Variants in DAB2IP observed in about 807,000 individuals in gnomAD.
DAB2IP encodes the protein disabled homolog 2-interacting protein.
Under a neutral mutation model 107.2 loss-of-function variants are expected in DAB2IP, and 28 were observed. The ratio of observed to expected loss-of-function variants is 0.26; its 90% CI spans 0.19 to 0.36. DAB2IP has a LOEUF of 0.36. Among genes scored for constraint, DAB2IP ranks in the 10% least tolerant of loss-of-function variants. DAB2IP has a pLI of 1.00. For synonymous variants in DAB2IP, 755 were observed against 706.4 expected (o/e 1.07, Z -1.09); for missense variants, 1,400 against 1,644.7 (o/e 0.85, Z 2.57).
chr9:121,584,979 A>G (rs920619045), intron 1 of DAB2IP, among the ~76,000 whole-genome samples: 1 of 152,148 alleles, frequency 6.6e-6, no homozygotes, highest in Admixed American at 6.6e-5. Context: ...ATCCTAGCCA[A>G]CTACAGCCTT....
At chr9:121,585,058 C>T (rs2118914369) in intron 1 of DAB2IP, among the ~76,000 whole-genome samples, 1 of 152,292 alleles carries the variant, frequency 6.6e-6, no homozygotes, top group East Asian at 1.9e-4. Flanking sequence ...GCGCGTGCCA[C>T]TGTGCCCAGC....
intron 3 of DAB2IP, chr9:121,743,039 G>A (rs1832461441): frequency 4.1e-6 from 4 of 964,000 alleles, no homozygotes; most frequent in African/African-American, 3.5e-5. Flanking sequence ...CTCGTGGAGG[G>A]AGCAGGTGGG....
chr9:121,773,913 CAGTGT>C, intron 12 of DAB2IP, among the ~76,000 whole-genome samples: 1 of 152,226 alleles, frequency 6.6e-6, no homozygotes, highest in Non-Finnish European at 1.5e-5. Context: ...AGGCTGCAGG[CAGTGT>C]CTGGAGTGGA....
intron 1 of DAB2IP, among the ~76,000 whole-genome samples, chr9:121,578,054 T>TG (rs547563346): frequency 6.6e-6 from 1 of 151,796 alleles, no homozygotes; most frequent in Non-Finnish European, 1.5e-5. Flanking sequence ...CCAGGGAATC[T>TG]GGGGGGTGGG....
At chr9:121,744,051 T>C (rs1387448259) in intron 3 of DAB2IP, among the ~76,000 whole-genome samples, 6 of 152,246 alleles carry the variant, frequency 3.9e-5, no homozygotes, top group Admixed American at 6.5e-5. Context: ...GTGTGCTCCG[T>C]TGAGAACTGG....
chr9:121,768,572 T>C, exon 10 of DAB2IP: 2 of 1,614,128 alleles, frequency 1.2e-6, no homozygotes, highest in Non-Finnish European at 8.5e-7. Flanking sequence ...TACATCGACC[T>C]GGGCCGCGAG....
rs1387626205 is a variant in DAB2IP, at chr9:121,736,680, C to T, written c.363-20333C>T. On this transcript the variant is annotated intron_variant, in intron 3 of 15. Coordinates refer to ENST00000408936, the Ensembl canonical transcript of DAB2IP. The surrounding 1 kb of genome is among the most constrained non-coding windows in gnomAD (Gnocchi z 4.6). The stretch of plus-strand genomic sequence containing the variant: ...CAGCGCTCGGGGGAGGTTACCTTGG[C>T]GCGCCCCCAAATCTTTTGGTTCCCC... Among the ~76,000 whole-genome samples the T allele has an allele frequency of 1.3e-5, 2 of 152,206 alleles. No homozygotes were observed. The highest frequency in any genetic ancestry group is 2.4e-5 in the African/African-American group (1 of 41,452).
chr9:121,637,316 C>T (rs1459739286), intron 1 of DAB2IP, among the ~76,000 whole-genome samples: 2 of 152,212 alleles, frequency 1.3e-5, no homozygotes, highest in East Asian at 3.9e-4. Flanking sequence ...GCTGGCTGAG[C>T]CTAGCAAGCA....
intron 1 of DAB2IP, among the ~76,000 whole-genome samples, chr9:121,645,020 C>T (rs897960698): frequency 6.6e-6 from 1 of 152,246 alleles, no homozygotes; most frequent in Non-Finnish European, 1.5e-5. Context: ...GCTCCCTGAC[C>T]TCACACTGGG....
intron 6 of DAB2IP, among the ~76,000 whole-genome samples, chr9:121,762,715 C>T (rs1205345550): frequency 6.6e-6 from 1 of 152,194 alleles, no homozygotes; most frequent in Non-Finnish European, 1.5e-5. Flanking sequence ...GACAGTTTTT[C>T]CTATTTTCTT....
chr9:121,612,223 T>G (rs1589406712), intron 1 of DAB2IP, among the ~76,000 whole-genome samples: 1 of 150,386 alleles, frequency 6.6e-6, no homozygotes. Context: ...GAGGCTGAGG[T>G]GGGAGGATCG....
chr9:121,763,437 C>A, intron 6 of DAB2IP, 68 bp from the exon 7 acceptor site: 1 of 1,540,198 alleles, frequency 6.5e-7, no homozygotes, highest in South Asian at 1.3e-5. Context: ...CTGGCTAGGT[C>A]TGGAATCCTA....
chr9:121,695,666 G>T (rs575280729), intron 2 of DAB2IP, among the ~76,000 whole-genome samples: 4 of 152,176 alleles, frequency 2.6e-5, no homozygotes, highest in East Asian at 3.9e-4. Context: ...TGGCTAGGGG[G>T]TCATAGTCTG....
chr9:121,720,820 G>C (rs1370131681), intron 3 of DAB2IP, among the ~76,000 whole-genome samples: 1 of 152,188 alleles, frequency 6.6e-6, no homozygotes, highest in Non-Finnish European at 1.5e-5. Flanking sequence ...CACTACCAAG[G>C]ACCTGGTTGC....
intron 14 of DAB2IP, among the ~76,000 whole-genome samples, chr9:121,778,528 TG>T (rs1835368299): frequency 6.6e-6 from 1 of 152,242 alleles, no homozygotes; most frequent in Admixed American, 6.5e-5. Context: ...TTGTACCATC[TG>T]TTCTTTTTTT....
chr9:121,635,644 G>C lies in DAB2IP; in HGVS notation c.41-43034G>C, dbSNP rs549664740. Among the ~76,000 whole-genome samples, 3 of 152,350 alleles carry C rather than the reference G, an allele frequency of 2.0e-5. No homozygotes were observed. Among genetic ancestry groups the C allele is most frequent in the South Asian group, 2.1e-4 (1 of 4,830 alleles). ...AGGAAGGAGGGGCGCTGAGATGGGA[G>C]CGAGGCCTTGGACAAGAAAGGATAT... On this transcript the variant is annotated intron_variant, in intron 1 of 16. Transcript: ENST00000259371. The surrounding 1 kb of genome is among the most constrained non-coding windows in gnomAD (Gnocchi z 4.3).
In DAB2IP at chr9:121,770,814, C is replaced by T. The variant is rs1231205189; in HGVS notation, c.2078+90C>T. ...AATCTCAGATGGGGAAAGAGGATGC[C>T]TACATAGTGTTTATAAAACAAGCCT... On this transcript the variant is annotated intron_variant, in intron 11 of 15. Transcript: ENST00000408936. 5.3e-6 allele frequency: 8 copies of T among 1,496,100 alleles called. No individual in the cohort carries two copies. In the Admixed American group the frequency reaches 6.0e-5, roughly 11 times the overall value. The allele number at this position is 1,496,100 out of a possible 1,614,324, so 92.7% of individuals were successfully genotyped here. A position where few individuals can be genotyped will look rare whatever the true frequency, so the allele number is the denominator to read the frequency against.
chr9:121,744,593 C>T (rs1374467273), intron 3 of DAB2IP, among the ~76,000 whole-genome samples: 2 of 152,188 alleles, frequency 1.3e-5, no homozygotes, highest in Admixed American at 6.5e-5. Flanking sequence ...GTGACCCAGG[C>T]TTCCTGTAGT....
At chr9:121,584,193 T>A (rs192300660) in intron 1 of DAB2IP, among the ~76,000 whole-genome samples, 3 of 151,906 alleles carry the variant, frequency 2.0e-5, no homozygotes, top group Admixed American at 6.6e-5. Context: ...AATAAATAAA[T>A]AAAAACTTTT....
Sources: gnomAD v4.1 joint callset for allele counts (sites outside exome capture counted in the v4.1 genomes callset) on GRCh38, gnomAD v4.1.1 for gene constraint, Gnocchi (gnomAD v3.1) non-coding constraint, MANE v1.5 for transcripts, NCBI Gene and HGNC (gene_info 2026-07-23, HGNC 2026-07-21) for gene names.